Variants in ZNF280C observed in about 807,000 individuals in gnomAD.
ZNF280C encodes the protein suppressor of hairy wing homolog 3.
In ZNF280C, 14 loss-of-function variants were observed where a neutral mutation model predicts 53.6. That is an observed-to-expected ratio of 0.26 (90% CI 0.17 to 0.41). The LOEUF is 0.41. Among genes scored for constraint, ZNF280C ranks in the 10% least tolerant of loss-of-function variants. The pLI is 1.00. For missense variants in ZNF280C, 416 were observed against 547.1 expected (o/e 0.76, Z 2.39); for synonymous variants, 203 against 181.1 (o/e 1.12, Z -0.97).
At chrX:130,208,093 G>A (rs1427160591) in intron 16 of ZNF280C, among the ~76,000 whole-genome samples, 2 of 111,950 alleles carry the variant, frequency 1.8e-5, no homozygotes, top group East Asian at 2.8e-4. Flanking sequence ...TGAAAAAATT[G>A]TTTATAGAAA....
chrX:130,214,333 C>T (rs1025690224), intron 15 of ZNF280C, among the ~76,000 whole-genome samples: 8 of 111,444 alleles, frequency 7.2e-5, no homozygotes, highest in Non-Finnish European at 1.1e-4. Flanking sequence ...GGAATTCTAA[C>T]GGTAGCATCA....
chrX:130,228,970 C>A lies in ZNF280C; in HGVS notation c.1147+7G>T. 1 of 1,138,195 alleles carries A rather than the reference C, an allele frequency of 8.8e-7. No individual in the cohort carries two copies. The highest frequency in any genetic ancestry group is 1.2e-6 in the Non-Finnish European group (1 of 852,533). 93.8% of individuals were successfully genotyped at this position (1,138,195 alleles called of 1,213,427 possible). A position where few individuals can be genotyped will look rare whatever the true frequency, so the allele number is the denominator to read the frequency against. On this transcript the variant is annotated splice_region_variant and intron_variant, in intron 10 of 18. Transcript: ENST00000370978. ...ATATTCAGGATTCCAAAGAAACTTTCACTTACTAGAAAACTCATGGGGAGT... is the reference window on the plus strand; with the variant it reads ...ATATTCAGGATTCCAAAGAAACTTTAACTTACTAGAAAACTCATGGGGAGT...
chrX:130,208,280 C>T (rs993461828), intron 16 of ZNF280C, among the ~76,000 whole-genome samples: 10 of 111,128 alleles, frequency 9.0e-5, no homozygotes, highest in African/African-American at 3.3e-4. Context: ...CAGGCATGCG[C>T]CACCACGCCC....
rs1192361181 is a variant in ZNF280C, at chrX:130,202,833, G to T, written c.*2144C>A. 9.1e-6 allele frequency: 1 copy of T among 110,279 alleles called. No homozygotes were observed. Among genetic ancestry groups the T allele is most frequent in the Non-Finnish European group, 1.9e-5 (1 of 52,718 alleles). 9.1% of individuals were successfully genotyped at this position (110,279 alleles called of 1,213,427 possible). On this transcript the variant is annotated 3_prime_UTR_variant, in exon 19 of 19. Coordinates refer to ENST00000370978, the MANE Select transcript of ZNF280C (RefSeq NM_017666.5). Reference sequence around the variant, plus strand: ...CAATGTAACCAAAATAAACAAACAAGAAATTAAAAAAAATATACATCTATA... The same window carrying T: ...CAATGTAACCAAAATAAACAAACAATAAATTAAAAAAAATATACATCTATA...
At chrX:130,267,100 C>CA (rs759589465) in intron 1 of ZNF280C, among the ~76,000 whole-genome samples, 2,413 of 48,684 alleles carry the variant, frequency 0.05, 70 homozygotes, top group Admixed American at 0.18. Context: ...GACTCCGTCT[C>CA]AAAAAAAAAA....
At chrX:130,238,054 C>T (rs1443673047) in intron 6 of ZNF280C, among the ~76,000 whole-genome samples, 4 of 111,308 alleles carry the variant, frequency 3.6e-5, no homozygotes, top group South Asian at 7.4e-4. Flanking sequence ...GTGTTCCCTA[C>T]CTCAACTCTT....
intron 16 of ZNF280C, among the ~76,000 whole-genome samples, chrX:130,208,174 T>C (rs671971): frequency 0.51 from 56,702 of 110,760 alleles, 11,336 homozygotes; most frequent in African/African-American, 0.75. Context: ...CTGTGGCCCA[T>C]GCTGGGGTAT....
chrX:130,246,085 A>G lies in ZNF280C; in HGVS notation c.178+774T>C, dbSNP rs917327426. ...TACAGGGAGGAGATATTTTATTTTA[A>G]TAAACATCACCAGTATCTTCACTTT... On this transcript the variant is annotated intron_variant, in intron 3 of 18. Coordinates refer to ENST00000370978, the MANE Select transcript of ZNF280C (RefSeq NM_017666.5). 1.3e-4 allele frequency among the ~76,000 whole-genome samples: 15 copies of G among 112,124 alleles called. 1 individual carries two copies. Among genetic ancestry groups the G allele is most frequent in the Admixed American group, 1.0e-3 (11 of 10,555 alleles).
At position 130,215,328 on chromosome X, in the gene ZNF280C, C is replaced by A; in HGVS notation, c.1844G>T (p.Arg615Leu). ...MSLALKNIRCRRGIHKCIECH... is the reference protein window; with the variant it reads ...MSLALKNIRCLRGIHKCIECH... ...TTCAATGCACTTGTGAATTCCCCGA[C>A]GACACCTTATGGAGACGGAAAAAAA... Residue 615 changes from arginine to leucine, a missense_variant, in exon 15 of 19, where the codon CGT (arginine) becomes CTT (leucine). This residue lies in a region of ZNF280C where 151 missense variants were observed against 176.9 expected (regional missense o/e 0.85). Transcript: ENST00000370978. 2.5e-6 allele frequency: 3 copies of A among 1,182,716 alleles called. No individual in the cohort carries two copies. Among genetic ancestry groups the A allele is most frequent in the Non-Finnish European group, 3.4e-6 (3 of 881,837 alleles).
chrX:130,245,040 G>GT (rs939296261), intron 3 of ZNF280C, among the ~76,000 whole-genome samples: 2 of 111,584 alleles, frequency 1.8e-5, no homozygotes, highest in African/African-American at 6.5e-5. Context: ...CCAATCACAA[G>GT]TTTTTTGCTC....
intron 15 of ZNF280C, 78 bp from the exon 16 acceptor site, chrX:130,209,793 GC>G: frequency 6.5e-6 from 5 of 773,425 alleles, no homozygotes; most frequent in Non-Finnish European, 9.5e-6. Flanking sequence ...CACATTTCAA[GC>G]CAATGCTTAA....
intron 13 of ZNF280C, among the ~76,000 whole-genome samples, chrX:130,216,437 T>C (rs1015702250): frequency 4.5e-5 from 5 of 112,082 alleles, no homozygotes; most frequent in Admixed American, 9.5e-5. Context: ...TTCTTATATA[T>C]GACACCAAAA....
chrX:130,255,219 C>T (rs2032555929), intron 2 of ZNF280C, among the ~76,000 whole-genome samples: 1 of 97,735 alleles, frequency 1.0e-5, no homozygotes, highest in Admixed American at 1.1e-4. Context: ...CGGCTCACTG[C>T]AAGCTCCGCC....
In ZNF280C at chrX:130,206,361, G is replaced by GTTT. The variant is rs1048503644; in HGVS notation, c.2043-949_2043-947dup. 2.0e-3 allele frequency among the ~76,000 whole-genome samples: 145 copies of GTTT among 73,449 alleles called. 2 individuals carry two copies. Among genetic ancestry groups the GTTT allele is most frequent in the East Asian group, 6.7e-3 (13 of 1,936 alleles). The allele number at this position is 73,449 out of a possible 115,157, so 63.8% of individuals were successfully genotyped here. On this transcript the variant is annotated intron_variant, in intron 16 of 18. Coordinates refer to ENST00000370978, the MANE Select transcript of ZNF280C (RefSeq NM_017666.5). Reference sequence around the variant, plus strand: ...TGCATACCTTGGATTGACTTCTTTAGTTTTTTTTTTTTTTTTTTTTTTTGA... The same window carrying GTTT: ...TGCATACCTTGGATTGACTTCTTTAGTTTTTTTTTTTTTTTTTTTTTTTTTTGA...
chrX:130,267,781 C>G (rs964031345), intron 1 of ZNF280C, among the ~76,000 whole-genome samples: 1 of 111,916 alleles, frequency 8.9e-6, no homozygotes, highest in African/African-American at 3.3e-5. Flanking sequence ...GTTTAAAACT[C>G]TACTTCTAGG....
At position 130,239,648 on chromosome X, in the gene ZNF280C, A is replaced by C; in HGVS notation, c.427T>G (p.Leu143Val). The change falls in exon 6 of 19, where the codon TTA becomes GTA. Residue 143 changes from leucine (L) to valine (V), a missense_variant. Leu to Val is a conservative substitution (Grantham distance 32). Transcript: ENST00000370978. ...GATTCCTGGGTCGAGTCAAACAGTA[A>C]AATTGAAGAATTATCCGATCCAACT... The part of the protein sequence containing the change: ...SQVGSDNSSI[L>V]LFDSTQESLP... 1 of 1,201,451 alleles carries C rather than the reference A, an allele frequency of 8.3e-7. No homozygotes were observed. Among genetic ancestry groups the C allele is most frequent in the Admixed American group, 2.2e-5 (1 of 45,934 alleles).
intron 8 of ZNF280C, among the ~76,000 whole-genome samples, chrX:130,233,559 T>C (rs1190807988): frequency 9.5e-6 from 1 of 105,074 alleles, no homozygotes; most frequent in Non-Finnish European, 1.9e-5. Flanking sequence ...GAGGTTGCGG[T>C]TGTGGTCAGC....
chrX:130,205,465 T>TC, intron 16 of ZNF280C, 50 bp from the exon 17 acceptor site: 1 of 870,593 alleles, frequency 1.1e-6, no homozygotes, highest in Non-Finnish European at 1.6e-6. Context: ...TTTATGAAAA[T>TC]CCATATGAGC....
intron 5 of ZNF280C, among the ~76,000 whole-genome samples, chrX:130,240,824 T>C (rs906733711): frequency 3.6e-5 from 4 of 112,262 alleles, no homozygotes; most frequent in African/African-American, 1.3e-4. Context: ...GACCTGTCCA[T>C]TTATTTAACT....
Sources: gnomAD v4.1 joint callset for allele counts (sites outside exome capture counted in the v4.1 genomes callset) on GRCh38, gnomAD v4.1.1 for gene constraint, gnomAD v4.1.1 regional missense constraint, MANE v1.5 for transcripts, NCBI Gene and HGNC (gene_info 2026-07-23, HGNC 2026-07-21) for gene names.